ADAMTSL1: variants seen among roughly 807,000 people sequenced by gnomAD.
ADAMTSL1 encodes ADAMTS-like protein 1.
In ADAMTSL1, 126 loss-of-function variants were observed where a neutral mutation model predicts 201.8. That is an observed-to-expected ratio of 0.62 (90% CI 0.54 to 0.72). The LOEUF (loss-of-function observed/expected upper bound fraction) is 0.72, where lower values mean the gene tolerates loss of function less well. Ranked by LOEUF, ADAMTSL1 falls within the 30% of genes least tolerant of loss-of-function variation. The pLI is 0.00. For missense variants in ADAMTSL1, 2,679 were observed against 2,277.8 expected (o/e 1.18, Z -3.59); for synonymous variants, 1,121 against 903.4 (o/e 1.24, Z -4.32).
chr9:17,965,099 T>C (rs1049490234), intron 1 of ADAMTSL1, among the ~76,000 whole-genome samples: 5 of 152,150 alleles, frequency 3.3e-5, no homozygotes, highest in Non-Finnish European at 7.4e-5. Flanking sequence ...TAACATATAA[T>C]GGACAACCTG....
intron 1 of ADAMTSL1, among the ~76,000 whole-genome samples, chr9:17,955,649 T>C (rs1827900469): frequency 6.6e-6 from 1 of 152,208 alleles, no homozygotes; most frequent in Admixed American, 6.5e-5. Context: ...TCCATTGTCC[T>C]GCATATCCAC....
intron 7 of ADAMTSL1, among the ~76,000 whole-genome samples, chr9:18,645,413 T>C (rs1489007872): frequency 2.0e-5 from 3 of 152,086 alleles, no homozygotes; most frequent in Non-Finnish European, 4.4e-5. Flanking sequence ...TTTGTCAGTT[T>C]TGGCTTTTGT....
chr9:18,272,756 C>T (rs1832430474), intron 2 of ADAMTSL1, among the ~76,000 whole-genome samples: 1 of 152,192 alleles, frequency 6.6e-6, no homozygotes, highest in Admixed American at 6.5e-5. Context: ...CATCTCTCTT[C>T]AGCAGACCTG....
intron 2 of ADAMTSL1, among the ~76,000 whole-genome samples, chr9:18,186,656 A>G (rs1828747016): frequency 6.6e-6 from 1 of 152,174 alleles, no homozygotes; most frequent in South Asian, 2.1e-4. Flanking sequence ...AACATGTTTA[A>G]TGAGATCTGT....
chr9:18,573,886 A>G, intron 3 of ADAMTSL1, 144 bp from the exon 4 acceptor site: 1 of 646,572 alleles, frequency 1.5e-6, no homozygotes, highest in Non-Finnish European at 2.7e-6. Flanking sequence ...TATAACCTCT[A>G]AGATGATATT....
chr9:18,649,219 G>T (rs976216324), intron 7 of ADAMTSL1, among the ~76,000 whole-genome samples: 1 of 152,044 alleles, frequency 6.6e-6, no homozygotes, highest in Non-Finnish European at 1.5e-5. Context: ...TAGTTCTCGC[G>T]CCTTGGCTTT....
intron 12 of ADAMTSL1, among the ~76,000 whole-genome samples, 168 bp from the exon 13 acceptor site, chr9:18,684,548 C>T (rs942594532): frequency 6.6e-6 from 1 of 152,046 alleles, no homozygotes; most frequent in Non-Finnish European, 1.5e-5. Context: ...TTTTAAAATT[C>T]GACTTTATTT....
Position 18,142,643 on chromosome 9 carries a change from G to C in ADAMTSL1, c.88-21219G>C, listed in dbSNP as rs1564023783. On this transcript the variant is annotated intron_variant, in intron 1 of 29. Transcript: ENST00000680146. Reference sequence around the variant, plus strand: ...ACAGTTCCACATCTAGCAAGAGGCAGATTTTTAACACGGAAGTCAGAGAAT... The same window carrying C: ...ACAGTTCCACATCTAGCAAGAGGCACATTTTTAACACGGAAGTCAGAGAAT... Among the ~76,000 whole-genome samples, 5 of 152,314 alleles carry C rather than the reference G, an allele frequency of 3.3e-5. No individual in the cohort carries two copies. In the South Asian group the frequency reaches 1.0e-3, roughly 32 times the overall value.
chr9:18,593,306 A>C lies in ADAMTSL1; in HGVS notation c.474+19040A>C, dbSNP rs145710446. Among the ~76,000 whole-genome samples, 472 of 152,260 alleles carry C rather than the reference A, an allele frequency of 3.1e-3. 18 individuals carry two copies. The South Asian group carries it at 0.053, about 17-fold the overall frequency. ...TTGTTGTGTTTCATATATTAAAGGAAAGCTTTCAGTTTTTCCCCATTCAAT... is the reference window on the plus strand; with the variant it reads ...TTGTTGTGTTTCATATATTAAAGGACAGCTTTCAGTTTTTCCCCATTCAAT... On this transcript the variant is annotated intron_variant, in intron 4 of 28. Transcript: ENST00000380548.
At chr9:18,900,878 T>C (rs1472466614) in intron 26 of ADAMTSL1, among the ~76,000 whole-genome samples, 1 of 152,124 alleles carries the variant, frequency 6.6e-6, no homozygotes, top group Non-Finnish European at 1.5e-5. Context: ...CAAACCACCA[T>C]GGCACAAATC....
upstream of ADAMTSL1, among the ~76,000 whole-genome samples, chr9:18,471,979 A>G (rs919138112): frequency 1.3e-4 from 20 of 152,158 alleles, 1 homozygote; most frequent in African/African-American, 4.1e-4. Flanking sequence ...TACAAATAGT[A>G]TCTCATCATT....
intron 1 of ADAMTSL1, among the ~76,000 whole-genome samples, chr9:18,485,027 G>C (rs1263935755): frequency 6.6e-6 from 1 of 152,176 alleles, no homozygotes; most frequent in Non-Finnish European, 1.5e-5. Context: ...TTGCTTCAAT[G>C]TAAGAAGCAC....
In ADAMTSL1 at chr9:18,776,805, A is replaced by C; in HGVS notation, c.2576A>C (p.His859Pro). 1 of 1,559,648 alleles carries C rather than the reference A, an allele frequency of 6.4e-7. No homozygotes were observed. The change falls in exon 19 of 29, where the codon CAC becomes CCC. Residue 859 changes from histidine to proline, a missense_variant. Physicochemically the swap from His to Pro is moderately conservative, Grantham distance 77 (BLOSUM62 -2). Transcript: ENST00000380548. ...GGGCCCGGGCGGCCATCCACGAAGC[A>C]CAGCCCGCACATCGCGGCCGCCAGG... ...CARPGRPSTK[H>P]SPHIAAARKV...
chr9:18,413,890 C>G (rs887783963), intron 2 of ADAMTSL1, among the ~76,000 whole-genome samples: 1 of 152,082 alleles, frequency 6.6e-6, no homozygotes, highest in African/African-American at 2.4e-5. Flanking sequence ...GATATCCTGG[C>G]TAAATTTTCT....
intron 1 of ADAMTSL1, among the ~76,000 whole-genome samples, chr9:17,942,732 T>G (rs1827292043): frequency 6.6e-6 from 1 of 152,162 alleles, no homozygotes; most frequent in Admixed American, 6.6e-5. Flanking sequence ...CTCACATCTG[T>G]GCTGGCACCA....
intron 1 of ADAMTSL1, among the ~76,000 whole-genome samples, chr9:18,099,355 A>ATATATATATATTT (rs1239180390): frequency 1.1e-4 from 5 of 45,558 alleles, no homozygotes; most frequent in Middle Eastern, 0.019. Flanking sequence ...ATATATATAT[A>ATATATATATATTT]TTTTTTTTTT....
chr9:18,865,416 A>C (rs1827467971), intron 23 of ADAMTSL1, among the ~76,000 whole-genome samples: 1 of 152,190 alleles, frequency 6.6e-6, no homozygotes, highest in Admixed American at 6.5e-5. Flanking sequence ...TATATGTGCC[A>C]CATTTTCTTA....
intron 1 of ADAMTSL1, among the ~76,000 whole-genome samples, chr9:18,051,099 A>G (rs1254760303): frequency 6.6e-6 from 1 of 152,160 alleles, no homozygotes; most frequent in Non-Finnish European, 1.5e-5. Context: ...CAGGAGATGG[A>G]GACCATCCTG....
intron 2 of ADAMTSL1, among the ~76,000 whole-genome samples, chr9:18,412,184 T>A (rs1206492090): frequency 6.6e-6 from 1 of 152,206 alleles, no homozygotes; most frequent in Non-Finnish European, 1.5e-5. Context: ...TCTAGAGGCA[T>A]TATTTAATTT....
Sources: gnomAD v4.1 joint callset for allele counts (sites outside exome capture counted in the v4.1 genomes callset) on GRCh38, gnomAD v4.1.1 for gene constraint, MANE v1.5 for transcripts, NCBI Gene and HGNC (gene_info 2026-07-23, HGNC 2026-07-21) for gene names.